SH3RF3: variants seen among roughly 807,000 people sequenced by gnomAD.
SH3RF3 encodes the protein E3 ubiquitin-protein ligase SH3RF3.
SH3RF3 carries 29 observed loss-of-function variants against 66.3 expected under a neutral mutation model. The ratio of observed to expected loss-of-function variants is 0.44; its 90% CI spans 0.33 to 0.60. SH3RF3 has a LOEUF of 0.60. Ranked by LOEUF, SH3RF3 falls within the 20% of genes least tolerant of loss-of-function variation. The pLI is 0.04. For missense variants in SH3RF3, 1,194 were observed against 1,190.9 expected (o/e 1.00, Z -0.04); for synonymous variants, 583 against 532.0 (o/e 1.10, Z -1.32).
At chr2:109,388,666 A>G (rs1473263392) in intron 3 of SH3RF3, among the ~76,000 whole-genome samples, 1 of 152,226 alleles carries the variant, frequency 6.6e-6, no homozygotes, top group Admixed American at 6.5e-5. Flanking sequence ...TTTATCGAGC[A>G]TGTACTTTGC....
chr2:109,314,165 T>C (rs1161262781), intron 1 of SH3RF3, among the ~76,000 whole-genome samples: 1 of 152,072 alleles, frequency 6.6e-6, no homozygotes, highest in Non-Finnish European at 1.5e-5. Context: ...TCGTGGTCTG[T>C]GTCCCGGGAG....
chr2:109,479,870 G>A (rs1015176234), intron 8 of SH3RF3, among the ~76,000 whole-genome samples: 3 of 152,000 alleles, frequency 2.0e-5, no homozygotes, highest in African/African-American at 4.8e-5. Context: ...GCCTTCATAC[G>A]GCAGCACCTA....
At chr2:109,412,114 G>A (rs1271291778) in intron 4 of SH3RF3, among the ~76,000 whole-genome samples, 1 of 152,218 alleles carries the variant, frequency 6.6e-6, no homozygotes. Flanking sequence ...CAGGGCAGTC[G>A]GTGGATGCCG....
At chr2:109,205,267 T>C (rs1213304430) in intron 1 of SH3RF3, among the ~76,000 whole-genome samples, 2 of 151,762 alleles carry the variant, frequency 1.3e-5, no homozygotes, top group African/African-American at 4.8e-5. Context: ...GTGACTTTTT[T>C]TTTTTTTTTT....
intron 1 of SH3RF3, chr2:109,313,721 A>G (rs1410884361): frequency 6.5e-6 from 1 of 154,972 alleles, no homozygotes; most frequent in Non-Finnish European, 1.5e-5. Context: ...AGGTGATGGC[A>G]TGTGCCTTGA....
intron 1 of SH3RF3, among the ~76,000 whole-genome samples, chr2:109,248,757 T>C (rs1219223392): frequency 6.6e-6 from 1 of 151,118 alleles, no homozygotes; most frequent in African/African-American, 2.4e-5. Flanking sequence ...TCCTTCCTTC[T>C]CTCTCTCTCT....
intron 2 of SH3RF3, among the ~76,000 whole-genome samples, chr2:109,362,019 T>C (rs1408411218): frequency 2.0e-5 from 3 of 152,180 alleles, no homozygotes; most frequent in African/African-American, 7.2e-5. Flanking sequence ...TAAAGATTAA[T>C]TTATTGATCT....
chr2:109,358,662 T>C (rs994167309), intron 2 of SH3RF3, among the ~76,000 whole-genome samples: 2 of 152,242 alleles, frequency 1.3e-5, no homozygotes, highest in Admixed American at 6.5e-5. Flanking sequence ...TTTAAGAGTT[T>C]TTTGTGTATT....
intron 1 of SH3RF3, among the ~76,000 whole-genome samples, chr2:109,203,492 C>G (rs72952022): frequency 6.6e-6 from 1 of 152,142 alleles, no homozygotes; most frequent in Non-Finnish European, 1.5e-5. Context: ...TAAGTCCCAC[C>G]GCTCCCCATT....
At chr2:109,157,816 A>G (rs537940805) in intron 1 of SH3RF3, among the ~76,000 whole-genome samples, 11 of 152,218 alleles carry the variant, frequency 7.2e-5, no homozygotes, top group African/African-American at 2.6e-4. Context: ...AGGATTGAGG[A>G]TTGTATGGGA....
Position 109,449,455 on chromosome 2 carries a change from C to A in SH3RF3, c.2114C>A (p.Thr705Lys). The change falls in exon 8 of 10, where the codon ACG (threonine) becomes AAG (lysine). Residue 705 changes from threonine (T) to lysine (K), a missense_variant. Thr to Lys is a moderately conservative substitution (Grantham distance 78). Transcript: ENST00000309415. ...CTGTCCACATCCAGCCCCACCAACA[C>A]GGGATGCAAACTAGACGAGAAGAAA... is the stretch of plus-strand genomic sequence containing the variant. ...GVLSTSSPTN[T>K]GCKLDEKKSE... The A allele has an allele frequency of 6.2e-7, 1 of 1,614,012 alleles. No homozygotes were observed. The highest frequency in any genetic ancestry group is 8.5e-7 in the Non-Finnish European group (1 of 1,179,888).
At chr2:109,231,313 T>C (rs902304884) in intron 1 of SH3RF3, among the ~76,000 whole-genome samples, 1 of 152,234 alleles carries the variant, frequency 6.6e-6, no homozygotes, top group Admixed American at 6.5e-5. Context: ...GCTAATGCGA[T>C]GACATTTTGA....
chr2:109,432,373 C>A, intron 5 of SH3RF3, 128 bp from the exon 6 acceptor site: 3 of 1,168,352 alleles, frequency 2.6e-6, no homozygotes, highest in Non-Finnish European at 3.6e-6. Flanking sequence ...AACTGCAGAG[C>A]CCCCATAGAC....
rs563023115 is a variant in SH3RF3 at position 109,308,890 on chromosome 2, T to C, written c.574-38784T>C. Among the ~76,000 whole-genome samples, 11 of 78,222 alleles carry C rather than the reference T, an allele frequency of 1.4e-4. 3 individuals carry two copies. The highest frequency in any genetic ancestry group is 2.1e-4 in the Non-Finnish European group (10 of 47,840). 51.3% of individuals were successfully genotyped at this position (78,222 alleles called of 152,430 possible). The stretch of plus-strand genomic sequence containing the variant: ...CCAGCTTTGTTCTTTTGGCTTAGGA[T>C]TGACTTGGTGATGCGGGCCCTTTTT... On this transcript the variant is annotated intron_variant, in intron 1 of 9. Transcript: ENST00000309415.
chr2:109,313,796 A>G (rs898322553), intron 1 of SH3RF3, among the ~76,000 whole-genome samples: 2 of 152,238 alleles, frequency 1.3e-5, no homozygotes, highest in Non-Finnish European at 2.9e-5. Flanking sequence ...CTGTGGCAGC[A>G]TGAGTGAAAC....
At chr2:109,158,645 G>A (rs6723609) in intron 1 of SH3RF3, among the ~76,000 whole-genome samples, 123,920 of 152,230 alleles carry the variant, frequency 0.81, 50,585 homozygotes, top group East Asian at 0.89. Context: ...GATCTAAGTC[G>A]TGAGAGCATC....
At chr2:109,318,741 C>T (rs1343889612) in intron 1 of SH3RF3, among the ~76,000 whole-genome samples, 3 of 152,160 alleles carry the variant, frequency 2.0e-5, no homozygotes, top group Non-Finnish European at 4.4e-5. Context: ...AGATACTGAC[C>T]CTTCTGGTCT....
intron 3 of SH3RF3, among the ~76,000 whole-genome samples, chr2:109,387,013 A>G (rs1675840506): frequency 6.6e-6 from 1 of 152,232 alleles, no homozygotes; most frequent in Admixed American, 6.5e-5. Flanking sequence ...TCAAAATAAG[A>G]AAATTCAGAA....
rs567298956 is a variant in SH3RF3, at chr2:109,398,459, T to C, written c.946-131T>C. 33 of 851,434 alleles carry C rather than the reference T, an allele frequency of 3.9e-5. 1 individual carries two copies. The highest frequency in any genetic ancestry group is 4.8e-4 in the Middle Eastern group (2 of 4,186). 52.7% of individuals were successfully genotyped at this position (851,434 alleles called of 1,614,324 possible). On this transcript the variant is annotated intron_variant, in intron 3 of 9. Coordinates refer to ENST00000309415, the MANE Select transcript of SH3RF3 (RefSeq NM_001099289.3). Reference sequence around the variant, plus strand: ...CCACCCCACCAGCCTCTTCTGTGTTTTCCCTGCAGTCTGACGGATTTGAAT... The same window carrying C: ...CCACCCCACCAGCCTCTTCTGTGTTCTCCCTGCAGTCTGACGGATTTGAAT...
Sources: gnomAD v4.1 joint callset for allele counts (sites outside exome capture counted in the v4.1 genomes callset) on GRCh38, gnomAD v4.1.1 for gene constraint, MANE v1.5 for transcripts, NCBI Gene and HGNC (gene_info 2026-07-23, HGNC 2026-07-21) for gene names.